Variants in MAP1B observed in about 807,000 individuals in gnomAD.
The protein encoded by MAP1B is microtubule-associated protein 1B.
In MAP1B, 12 loss-of-function variants were observed where a neutral mutation model predicts 176.1. The ratio of observed to expected loss-of-function variants is 0.07; its 90% confidence interval spans 0.04 to 0.11. The LOEUF (loss-of-function observed/expected upper bound fraction) is 0.11. Ranked by LOEUF, MAP1B falls within the 10% of genes least tolerant of loss-of-function variation. The probability of loss-of-function intolerance (pLI) is 1.00; values close to 1 mark genes in which losing one functional copy is unlikely to be tolerated. For missense variants in MAP1B, 2,523 were observed against 2,990.5 expected, an observed-to-expected ratio of 0.84 and a Z score of 3.65; for synonymous variants, 1,044 against 1,135.0, an observed-to-expected ratio of 0.92 and a Z score of 1.61.
intron 2 of MAP1B, among the ~76,000 whole-genome samples, chr5:72,164,944 GT>G (rs1288663381): frequency 6.6e-6 from 1 of 151,994 alleles, no homozygotes; most frequent in African/African-American, 2.4e-5. Flanking sequence ...TTTCTTCCTT[GT>G]TTTTTTCCCT....
chr5:72,176,667 T>C (rs1277401381), intron 2 of MAP1B, among the ~76,000 whole-genome samples: 1 of 152,240 alleles, frequency 6.6e-6, no homozygotes, highest in Non-Finnish European at 1.5e-5. Context: ...TTCTATGTAT[T>C]AGCCTTGTAT....
chr5:72,189,371 T>C (rs1396305891), intron 4 of MAP1B, among the ~76,000 whole-genome samples: 1 of 152,198 alleles, frequency 6.6e-6, no homozygotes, highest in Non-Finnish European at 1.5e-5. Flanking sequence ...ATTTGTCTCA[T>C]TGTATCTTCA....
Position 72,186,711 on chromosome 5 carries a change from C to G in MAP1B, c.467C>G (p.Ser156Cys), listed in dbSNP as rs1302417815. The change falls in exon 4 of 7, where the codon TCT (serine) becomes TGT (cysteine). Residue 156 changes from serine to cysteine, a missense_variant. Physicochemically the swap from Ser to Cys is moderately radical, Grantham distance 112. Around this residue, in one of 4 missense-constraint regions of MAP1B, gnomAD observed 307 missense variants for 438.4 expected, o/e 0.70. Coordinates refer to ENST00000296755, the MANE Select transcript of MAP1B (RefSeq NM_005909.5). This position sits in a 1 kb window ranked among gnomAD's most constrained non-coding sequence, Gnocchi z 4.3. The stretch of plus-strand genomic sequence containing the variant: ...GGAGAGCTCATTCTCCAGTCCGGCT[C>G]TTTCTCCTTCCAGAACTTCATAGAG... ...NTGELILQSGSFSFQNFIEIF... is the reference protein window; with the variant it reads ...NTGELILQSGCFSFQNFIEIF... 6.2e-7 allele frequency: 1 copy of G among 1,614,178 alleles called. No homozygotes were observed. Among genetic ancestry groups the G allele is most frequent in the East Asian group, 2.2e-5 (1 of 44,888 alleles).
chr5:72,138,561 T>A (rs540803543), intron 2 of MAP1B, among the ~76,000 whole-genome samples: 2 of 152,186 alleles, frequency 1.3e-5, no homozygotes, highest in Non-Finnish European at 2.9e-5. Context: ...AAAAATGTTA[T>A]GTAAAAAAAT....
chr5:72,205,037 TTC>T (rs1407241917), intron 6 of MAP1B, 45 bp from the exon 7 acceptor site: 1 of 1,532,248 alleles, frequency 6.5e-7, no homozygotes, highest in Non-Finnish European at 8.9e-7. Flanking sequence ...TTCATATGGT[TTC>T]TGTTTCTGCC....
At chr5:72,160,054 T>A (rs1746299331) in intron 2 of MAP1B, among the ~76,000 whole-genome samples, 3 of 152,190 alleles carry the variant, frequency 2.0e-5, no homozygotes, top group African/African-American at 7.2e-5. Flanking sequence ...GTTTTCAAAC[T>A]GAGCAAGGGA....
chr5:72,144,516 A>G (rs1746011046), intron 2 of MAP1B, among the ~76,000 whole-genome samples: 1 of 151,998 alleles, frequency 6.6e-6, no homozygotes, highest in South Asian at 2.1e-4. Context: ...TCCTTAGCCT[A>G]CAAAGTAGCT....
At chr5:72,169,376 C>T (rs963944366) in intron 2 of MAP1B, 1 of 152,042 alleles carries the variant, frequency 6.6e-6, no homozygotes, top group Admixed American at 6.6e-5. Context: ...TTTTTCAGAT[C>T]CTGAAGGTAG....
rs573174746 is a variant in MAP1B, at chr5:72,179,859, T to C, written c.287-3884T>C. 1.2e-5 allele frequency: 12 copies of C among 985,532 alleles called. No individual in the cohort carries two copies. In the South Asian group the frequency reaches 2.3e-4, roughly 19 times the overall value. The allele number at this position is 985,532 out of a possible 1,614,324, so 61.0% of individuals were successfully genotyped here. ...GATGGACAAAAGAGAACATCGTTAG[T>C]TGAATTCCTGGGCAAACTGGTCTGA... On this transcript the variant is annotated intron_variant, in intron 2 of 6. Transcript: ENST00000296755.
chr5:72,175,850 C>T (rs975469417), intron 2 of MAP1B, among the ~76,000 whole-genome samples: 1 of 152,146 alleles, frequency 6.6e-6, no homozygotes, highest in Non-Finnish European at 1.5e-5. Context: ...TAACTAAATT[C>T]CCTGTAACAC....
intron 4 of MAP1B, among the ~76,000 whole-genome samples, chr5:72,189,058 C>G (rs1233378211): frequency 1.3e-5 from 2 of 152,180 alleles, no homozygotes; most frequent in African/African-American, 4.8e-5. Flanking sequence ...TCCTTTTATC[C>G]AGTCCTTGAA....
chr5:72,165,109 T>C (rs1261758459), intron 2 of MAP1B, among the ~76,000 whole-genome samples: 2 of 152,172 alleles, frequency 1.3e-5, no homozygotes, highest in South Asian at 4.1e-4. Context: ...TAAAAGGTAA[T>C]TTTGTCAGCT....
chr5:72,188,160 A>G (rs922001926), intron 4 of MAP1B, among the ~76,000 whole-genome samples: 1 of 152,246 alleles, frequency 6.6e-6, no homozygotes. Flanking sequence ...TTCCAAAGCT[A>G]GGGCTACAAT....
rs201776246 is a variant in MAP1B at position 72,199,988 on chromosome 5, G to A, written c.6633G>A (p.Ser2211=). The stretch of plus-strand genomic sequence containing the variant: ...CTCCCGTGCAAGACCGCAGCCCTTC[G>A]CCACGCCACCCTGATGTGTCCATGG... ...PPAPVQDRSP[S]PRHPDVSMVD... Residue 2211 remains serine, a synonymous_variant, in exon 5 of 7, where the codon TCG becomes TCA. Coordinates refer to ENST00000296755, the MANE Select transcript of MAP1B (RefSeq NM_005909.5). The surrounding 1 kb of genome is among the most constrained non-coding windows in gnomAD (Gnocchi z 4.2). 1.5e-4 allele frequency: 245 copies of A among 1,614,158 alleles called. 1 individual carries two copies. Among genetic ancestry groups the A allele is most frequent in the South Asian group, 1.3e-3 (118 of 91,078 alleles).
intron 2 of MAP1B, among the ~76,000 whole-genome samples, chr5:72,121,647 T>C (rs757330813): frequency 3.3e-5 from 5 of 152,190 alleles, no homozygotes; most frequent in Non-Finnish European, 5.9e-5. Flanking sequence ...GGGTTACAAC[T>C]AATATTTACC....
chr5:72,116,494 C>G (rs1251406657), intron 2 of MAP1B: 1 of 394,238 alleles, frequency 2.5e-6, no homozygotes, highest in African/African-American at 2.1e-5. Flanking sequence ...GATGTTCCCA[C>G]TAACCAGCCA....
chr5:72,171,922 T>A (rs1386130436), intron 2 of MAP1B, among the ~76,000 whole-genome samples: 1 of 152,158 alleles, frequency 6.6e-6, no homozygotes, highest in Non-Finnish European at 1.5e-5. Context: ...TTACGAATGA[T>A]CCATCTCCAC....
chr5:72,194,165 C>T lies in MAP1B; in HGVS notation c.810C>T (p.Gly270=), dbSNP rs1222455908. 14 of 1,614,060 alleles carry T rather than the reference C, an allele frequency of 8.7e-6. No homozygotes were observed. Among genetic ancestry groups the T allele is most frequent in the East Asian group, 4.5e-5 (2 of 44,904 alleles). Residue 270 remains glycine, a synonymous_variant, in exon 5 of 7, where the codon GGC becomes GGT. Transcript: ENST00000296755. This position sits in a 1 kb window ranked among gnomAD's most constrained non-coding sequence, Gnocchi z 7.2. ...PCCYIFPGGR[G]DSALFAVNGF... ...GTTATATTTTTCCAGGAGGGAGGGG[C>T]GATTCTGCCTTGTTTGCAGTGAATG... is the stretch of plus-strand genomic sequence containing the variant.
At chr5:72,127,210 A>G (rs1030204848) in intron 2 of MAP1B, among the ~76,000 whole-genome samples, 4 of 152,246 alleles carry the variant, frequency 2.6e-5, no homozygotes, top group African/African-American at 9.6e-5. Context: ...TCAACTGTGC[A>G]TATCTTGTCA....
Sources: allele counts gnomAD v4.1 joint callset (sites outside exome capture counted in the v4.1 genomes callset), GRCh38; gene constraint gnomAD v4.1.1; regional missense constraint gnomAD v4.1.1; non-coding constraint Gnocchi (gnomAD v3.1); transcripts MANE v1.5; gene names NCBI Gene and HGNC (gene_info 2026-07-23, HGNC 2026-07-21).